The following OR13A1 variants were observed in gnomAD, a reference collection of about 807,000 sequenced individuals.
OR13A1 encodes olfactory receptor 13A1.
A neutral mutation model predicts 7.5 loss-of-function variants in OR13A1; 10 were observed. That is an observed-to-expected ratio of 1.34 (90% confidence interval 0.83 to 2.27). The LOEUF (loss-of-function observed/expected upper bound fraction) is 2.27, where lower values mean the gene tolerates loss of function less well. Among genes scored for constraint, OR13A1 ranks in the 30% most tolerant of loss-of-function variants. OR13A1 has a pLI of 0.00. For synonymous variants in OR13A1, 238 were observed against 177.9 expected (o/e 1.34, Z -2.69); for missense variants, 509 against 419.1 (o/e 1.21, Z -1.87).
chr10:45,306,497 A>G (rs1838334390), intron 3 of OR13A1, among the ~76,000 whole-genome samples: 1 of 152,180 alleles, frequency 6.6e-6, no homozygotes, highest in Non-Finnish European at 1.5e-5. Context: ...TTTAAAAATG[A>G]ACATTTGGAA....
Position 45,304,072 on chromosome 10 carries a change from G to A in OR13A1, c.351C>T (p.Ala117=). ...ESSISYGGCM[A]QLYFLTWAAS... ...CAGCCCACGTGAGGAAATAGAGCTG[G>A]GCCATGCAGCCCCCGTAGGAGATGG... The change falls in exon 4 of 4, where the codon GCC becomes GCT. Residue 117 remains alanine (A), a synonymous_variant. Transcript: ENST00000553795. The A allele has an allele frequency of 6.2e-7, 1 of 1,613,926 alleles. No homozygotes were observed.
chr10:45,308,760 CTG>C (rs1452280689), intron 1 of OR13A1: 1 of 152,124 alleles, frequency 6.6e-6, no homozygotes, highest in Non-Finnish European at 1.5e-5. Context: ...TTATGTATAG[CTG>C]TCCTCTCTCT....
Position 45,303,429 on chromosome 10 carries a change from A to G in OR13A1, c.*7T>C. 1 of 1,580,322 alleles carries G rather than the reference A, an allele frequency of 6.3e-7. No individual in the cohort carries two copies. The highest frequency in any genetic ancestry group is 8.6e-7 in the Non-Finnish European group (1 of 1,161,840). ...TCTCCAAGGACAAAAACTTCAGAAG[A>G]CACAAGTTAATTTCTGAAGAAAGGG... On this transcript the variant is annotated 3_prime_UTR_variant, in exon 4 of 4. Coordinates refer to ENST00000553795, the MANE Select transcript of OR13A1 (RefSeq NM_001004297.3).
chr10:45,305,190 C>T (rs979585405), intron 3 of OR13A1, among the ~76,000 whole-genome samples: 5 of 151,222 alleles, frequency 3.3e-5, no homozygotes, highest in Non-Finnish European at 4.4e-5. Context: ...GCTGAGACCA[C>T]GATGCTGCAC....
chr10:45,312,264 C>A (rs2133047333), intron 1 of OR13A1, among the ~76,000 whole-genome samples: 1 of 151,926 alleles, frequency 6.6e-6, no homozygotes, highest in South Asian at 2.1e-4. Context: ...GCTCAATGAA[C>A]CCCAAGCACA....
In OR13A1 at chr10:45,303,333, G is replaced by T; in HGVS notation, c.*103C>A. 1 of 1,233,664 alleles carries T rather than the reference G, an allele frequency of 8.1e-7. No individual in the cohort carries two copies. 76.4% of individuals were successfully genotyped at this position (1,233,664 alleles called of 1,614,324 possible). A position where few individuals can be genotyped will look rare whatever the true frequency, so the allele number is the denominator to read the frequency against. ...AGCTCATCCATGCACAGGTTCTGCT[G>T]GGTTAGAAAAAACAAGTCTATTTAC... On this transcript the variant is annotated 3_prime_UTR_variant, in exon 4 of 4. Coordinates refer to ENST00000553795, the MANE Select transcript of OR13A1 (RefSeq NM_001004297.3).
rs1838346228 is a variant in OR13A1, at chr10:45,307,063, C to T, written c.-13+363G>A. On this transcript the variant is annotated intron_variant, in intron 3 of 3. Coordinates refer to ENST00000553795, the MANE Select transcript of OR13A1 (RefSeq NM_001004297.3). ...TTTCTGCACTTCCGACTCATGTCCT[C>T]CTCCCTAGAATTCTAGCCACCAGAT... Among the ~76,000 whole-genome samples the T allele has an allele frequency of 3.3e-5, 5 of 152,148 alleles. No individual in the cohort carries two copies. In the South Asian group the frequency reaches 1.0e-3, roughly 32 times the overall value.
At chr10:45,310,099 A>G (rs1373264482) in intron 1 of OR13A1, among the ~76,000 whole-genome samples, 1 of 152,236 alleles carries the variant, frequency 6.6e-6, no homozygotes, top group Non-Finnish European at 1.5e-5. Context: ...GCCCAAGCAG[A>G]TTACCTTTAT....
intron 3 of OR13A1, among the ~76,000 whole-genome samples, chr10:45,306,489 T>TA (rs2133039307): frequency 6.6e-6 from 1 of 152,246 alleles, no homozygotes; most frequent in Admixed American, 6.5e-5. Context: ...ATATTCATTT[T>TA]AAAAATGAAC....
rs777258483 is a variant in OR13A1, at chr10:45,303,750, C to T, written c.673G>A (p.Gly225Ser). 11 of 1,613,976 alleles carry T rather than the reference C, an allele frequency of 6.8e-6. No homozygotes were observed. The highest frequency in any genetic ancestry group is 1.7e-5 in the Admixed American group (1 of 60,002). The change falls in exon 4 of 4, where the codon GGC becomes AGC. Residue 225 changes from glycine (G) to serine (S), a missense_variant. Gly to Ser is a moderately conservative substitution (Grantham distance 56). Transcript: ENST00000553795. ...VMIVLADAFY[G>S]IVNFLMTIAS... Reference sequence around the variant, plus strand: ...ATGGTCATCAGGAAGTTCACTATGCCGTAGAAAGCATCCGCCAGGACAATC... The same window carrying T: ...ATGGTCATCAGGAAGTTCACTATGCTGTAGAAAGCATCCGCCAGGACAATC...
chr10:45,313,276 C>A (rs1379308790), intron 1 of OR13A1, among the ~76,000 whole-genome samples: 4 of 151,438 alleles, frequency 2.6e-5, no homozygotes, highest in African/African-American at 7.3e-5. Flanking sequence ...ATAAAAAAAT[C>A]TATAGAATAC....
Position 45,304,601 on chromosome 10 carries a change from A to T in OR13A1, c.-12-167T>A, listed in dbSNP as rs1838290409. The T allele has an allele frequency of 6.7e-6, 4 of 601,054 alleles. No individual in the cohort carries two copies. In the South Asian group the frequency reaches 9.1e-5, roughly 14 times the overall value. The allele number at this position is 601,054 out of a possible 1,614,324, so 37.2% of individuals were successfully genotyped here. On this transcript the variant is annotated intron_variant, in intron 3 of 3. Transcript: ENST00000553795. ...TGAACACTCAGTTTATAAAAAATAA[A>T]TACAGTTGGCCAGTTAAACTCATGA...
In OR13A1 at chr10:45,303,259, C is replaced by T; in HGVS notation, c.*177G>A. The T allele has an allele frequency of 1.5e-6, 1 of 668,746 alleles. No individual in the cohort carries two copies. The highest frequency in any genetic ancestry group is 2.5e-6 in the Non-Finnish European group (1 of 393,844). 41.4% of individuals were successfully genotyped at this position (668,746 alleles called of 1,614,324 possible). A position where few individuals can be genotyped will look rare whatever the true frequency, so the allele number is the denominator to read the frequency against. ...TGGTGTCTCAGAGGCTGGTGGGTCA[C>T]ACCTACCGCAATCCCCCCATCACCA... On this transcript the variant is annotated 3_prime_UTR_variant, in exon 4 of 4. Transcript: ENST00000553795.
chr10:45,315,416 G>A (rs185640581), intron 1 of OR13A1, 108 bp downstream of exon 1: 2 of 152,166 alleles, frequency 1.3e-5, no homozygotes, highest in African/African-American at 2.4e-5. Flanking sequence ...TAGAAAAAAT[G>A]TTTAACAAAA....
At chr10:45,306,593 T>C (rs1048582265) in intron 3 of OR13A1, among the ~76,000 whole-genome samples, 1 of 152,264 alleles carries the variant, frequency 6.6e-6, no homozygotes, top group African/African-American at 2.4e-5. Flanking sequence ...ATTCAAGAAA[T>C]GTATTTACCA....
downstream of OR13A1, chr10:45,302,617 A>T (rs1838228773): frequency 1.3e-5 from 2 of 152,316 alleles, no homozygotes; most frequent in Non-Finnish European, 2.9e-5. Context: ...TCTTTAATGG[A>T]TCATGATAAA....
intron 1 of OR13A1, among the ~76,000 whole-genome samples, chr10:45,312,827 A>G (rs1838467086): frequency 6.6e-6 from 1 of 152,118 alleles, no homozygotes; most frequent in Non-Finnish European, 1.5e-5. Context: ...CAGCAAAACC[A>G]TCCTTCAAAC....
At chr10:45,312,169 G>T (rs893872116) in intron 1 of OR13A1, among the ~76,000 whole-genome samples, 1 of 151,740 alleles carries the variant, frequency 6.6e-6, no homozygotes. Flanking sequence ...ATGAGAAATG[G>T]GAGAAGAACA....
chr10:45,303,389 C>T lies in OR13A1; in HGVS notation c.*47G>A. 6.5e-7 allele frequency: 1 copy of T among 1,531,586 alleles called. No homozygotes were observed. Among genetic ancestry groups the T allele is most frequent in the Non-Finnish European group, 8.8e-7 (1 of 1,136,854 alleles). 94.9% of individuals were successfully genotyped at this position (1,531,586 alleles called of 1,614,324 possible). A position where few individuals can be genotyped will look rare whatever the true frequency, so the allele number is the denominator to read the frequency against. ...AGTCCAGAAACTTGCTCATCAGACT[C>T]CACTAAAACTGCAGTCTCCAAGGAC... On this transcript the variant is annotated 3_prime_UTR_variant, in exon 4 of 4. Transcript: ENST00000553795.
Sources: allele counts gnomAD v4.1 joint callset (sites outside exome capture counted in the v4.1 genomes callset), GRCh38; gene constraint gnomAD v4.1.1; transcripts MANE v1.5; gene names NCBI Gene and HGNC (gene_info 2026-07-23, HGNC 2026-07-21).